DLG2: variants seen among roughly 807,000 people sequenced by gnomAD.
DLG2 encodes discs large MAGUK scaffold protein 2.
DLG2 carries 45 observed loss-of-function variants against 132.5 expected under a neutral mutation model. That is an observed-to-expected ratio of 0.34 (90% CI 0.27 to 0.44). The LOEUF is 0.44. Among genes scored for constraint, DLG2 ranks in the 20% least tolerant of loss-of-function variants. DLG2 has a pLI of 1.00. For synonymous variants in DLG2, 424 were observed against 419.6 expected, an observed-to-expected ratio of 1.01 and a Z score of -0.13; for missense variants, 1,045 against 1,196.9, an observed-to-expected ratio of 0.87 and a Z score of 1.87.
chr11:84,337,016 T>C (rs2098488146), intron 7 of DLG2, among the ~76,000 whole-genome samples: 1 of 152,210 alleles, frequency 6.6e-6, no homozygotes, highest in Non-Finnish European at 1.5e-5. Context: ...TGAGATTTTA[T>C]TGTAATTAAC....
chr11:84,782,426 T>G (rs141308241), intron 6 of DLG2, among the ~76,000 whole-genome samples: 1 of 145,160 alleles, frequency 6.9e-6, no homozygotes, highest in Non-Finnish European at 1.5e-5. Flanking sequence ...TCTTTCCCAC[T>G]AACTACCCCT....
chr11:83,985,773 T>C (rs1473442434), intron 11 of DLG2, among the ~76,000 whole-genome samples: 1 of 152,108 alleles, frequency 6.6e-6, no homozygotes, highest in South Asian at 2.1e-4. Context: ...GGCATTTAGG[T>C]TGATTCCATG....
At chr11:84,720,394 A>C in intron 6 of DLG2, 1 of 985,448 alleles carries the variant, frequency 1.0e-6, no homozygotes, top group Non-Finnish European at 1.2e-6. Flanking sequence ...ACAACAGGGG[A>C]CATTCCTTCC....
rs376265026 is a variant in DLG2, at chr11:84,276,895, A to G, written c.520-25604T>C. 4.4e-4 allele frequency among the ~76,000 whole-genome samples: 67 copies of G among 152,330 alleles called. 1 individual carries two copies. The South Asian group carries it at 0.013, about 30-fold the overall frequency. ...TAAAATAACCAAACAAAAGGACACA[A>G]TGTAGGAAAGAATGGGTTTCAAGAA... On this transcript the variant is annotated intron_variant, in intron 7 of 27. Coordinates refer to ENST00000376104, the MANE Select transcript of DLG2 (RefSeq NM_001142699.3).
At chr11:83,704,078 T>C (rs2153648909) in intron 18 of DLG2, among the ~76,000 whole-genome samples, 1 of 152,312 alleles carries the variant, frequency 6.6e-6, no homozygotes, top group Non-Finnish European at 1.5e-5. Context: ...TCAATAGTTA[T>C]TTTTTATTGC....
intron 7 of DLG2, among the ~76,000 whole-genome samples, chr11:84,422,664 C>A (rs2098954620): frequency 1.3e-5 from 2 of 151,948 alleles, no homozygotes; most frequent in African/African-American, 4.8e-5. Context: ...TAGTTTAGAC[C>A]CTCAAATTAA....
chr11:84,849,930 A>G (rs1038456665), intron 6 of DLG2, among the ~76,000 whole-genome samples: 5 of 152,172 alleles, frequency 3.3e-5, no homozygotes, highest in African/African-American at 1.2e-4. Flanking sequence ...TAAAGTGAAG[A>G]AATGGGTATT....
In DLG2 at chr11:83,790,310, C is replaced by G. The variant is rs553519671; in HGVS notation, c.1723-3518G>C. ...AGTGTGAACTGTTTTACCATGGGAG[C>G]GAAAGCTCAAGCTTAAAAGGTAACA... On this transcript the variant is annotated intron_variant, in intron 17 of 27. Coordinates refer to ENST00000376104, the MANE Select transcript of DLG2 (RefSeq NM_001142699.3). 46 of 913,360 alleles carry G rather than the reference C, an allele frequency of 5.0e-5. No homozygotes were observed. The South Asian group carries it at 6.7e-4, about 13-fold the overall frequency. 56.6% of individuals were successfully genotyped at this position (913,360 alleles called of 1,614,324 possible).
chr11:84,355,207 T>C (rs979443041), intron 7 of DLG2, among the ~76,000 whole-genome samples: 1 of 152,030 alleles, frequency 6.6e-6, no homozygotes, highest in Non-Finnish European at 1.5e-5. Flanking sequence ...GACAAGTAGA[T>C]GAGCCAAGTG....
Position 84,401,069 on chromosome 11 carries a change from G to T in DLG2, c.519+133501C>A, listed in dbSNP as rs778445716. Among the ~76,000 whole-genome samples the T allele has an allele frequency of 5.9e-4, 90 of 152,108 alleles. No homozygotes were observed. In the Middle Eastern group the frequency reaches 0.01, roughly 17 times the overall value. ...TTAATCTTCATAATAGCCCTATCGG[G>T]TTAGTATTTCTGTTTCATTTTATGG... On this transcript the variant is annotated intron_variant, in intron 7 of 27. Coordinates refer to ENST00000376104, the MANE Select transcript of DLG2 (RefSeq NM_001142699.3).
chr11:85,391,253 T>A (rs1268798128), intron 3 of DLG2, among the ~76,000 whole-genome samples: 1 of 151,862 alleles, frequency 6.6e-6, no homozygotes, highest in Admixed American at 6.6e-5. Flanking sequence ...AAATAGAAAC[T>A]CTGAACAGGC....
At chr11:84,651,511 C>T (rs1310636049) in intron 6 of DLG2, among the ~76,000 whole-genome samples, 15 of 152,094 alleles carry the variant, frequency 9.9e-5, no homozygotes, top group Admixed American at 8.5e-4. Context: ...AAAATAGAAG[C>T]TTTCAAAGCC....
intron 6 of DLG2, among the ~76,000 whole-genome samples, chr11:84,984,337 A>G (rs192432838): frequency 6.6e-6 from 1 of 152,294 alleles, no homozygotes; most frequent in East Asian, 1.9e-4. Context: ...CAGCCTCCTT[A>G]AATAAAACAA....
chr11:83,747,083 C>T (rs2092963857), intron 18 of DLG2, among the ~76,000 whole-genome samples: 1 of 151,982 alleles, frequency 6.6e-6, no homozygotes, highest in Admixed American at 6.5e-5. Context: ...GAATATTATA[C>T]AAATGAGGAG....
chr11:85,508,923 A>G (rs1031478840), intron 3 of DLG2, among the ~76,000 whole-genome samples: 85 of 152,214 alleles, frequency 5.6e-4, no homozygotes, highest in African/African-American at 1.9e-3. Flanking sequence ...ATATACATAT[A>G]TTGACTATGT....
At chr11:84,878,803 C>G (rs1474827175) in intron 6 of DLG2, among the ~76,000 whole-genome samples, 1 of 152,132 alleles carries the variant, frequency 6.6e-6, no homozygotes, top group East Asian at 1.9e-4. Flanking sequence ...ACAACATTTT[C>G]TGTATCAAAT....
chr11:83,623,706 GTTAAT>G (rs1452510679), intron 19 of DLG2, among the ~76,000 whole-genome samples: 1 of 152,216 alleles, frequency 6.6e-6, no homozygotes, highest in Non-Finnish European at 1.5e-5. Flanking sequence ...AGTATTTAAA[GTTAAT>G]TTAAAGAAGT....
intron 6 of DLG2, among the ~76,000 whole-genome samples, chr11:84,926,511 A>G (rs188246142): frequency 6.6e-6 from 1 of 152,158 alleles, no homozygotes; most frequent in East Asian, 1.9e-4. Context: ...ATATGTAAAA[A>G]TAAGTTTGCA....
At chr11:85,300,376 T>A (rs2079514345) in intron 3 of DLG2, among the ~76,000 whole-genome samples, 2 of 152,088 alleles carry the variant, frequency 1.3e-5, no homozygotes, top group Non-Finnish European at 2.9e-5. Flanking sequence ...TGTAGAGACC[T>A]GAGAACATAA....
Sources: gnomAD v4.1 joint callset for allele counts (sites outside exome capture counted in the v4.1 genomes callset) on GRCh38, gnomAD v4.1.1 for gene constraint, MANE v1.5 for transcripts, NCBI Gene and HGNC (gene_info 2026-07-23, HGNC 2026-07-21) for gene names.